Variants in PDXDC1 observed in about 807,000 individuals in gnomAD.
PDXDC1 encodes pyridoxal dependent decarboxylase domain containing 1.
A neutral mutation model predicts 100.1 loss-of-function variants in PDXDC1; 42 were observed. The observed-to-expected ratio is 0.42, with a 90% confidence interval of 0.33 to 0.54. The LOEUF (loss-of-function observed/expected upper bound fraction) is 0.54, where lower values mean the gene tolerates loss of function less well. Ranked by LOEUF, PDXDC1 falls within the 20% of genes least tolerant of loss-of-function variation. PDXDC1 has a pLI of 0.10. For synonymous variants in PDXDC1, 260 were observed against 371.7 expected, an observed-to-expected ratio of 0.70 and a Z score of 3.46; for missense variants, 636 against 979.2, an observed-to-expected ratio of 0.65 and a Z score of 4.68.
chr16:15,052,924 G>GGACTGGTTACCGAGTACCCAGT (rs1237371865), intron 16 of PDXDC1, among the ~76,000 whole-genome samples: 1 of 152,156 alleles, frequency 6.6e-6, no homozygotes, highest in Non-Finnish European at 1.5e-5. Flanking sequence ...AGATGTTGCA[G>GGACTGGTTACCGAGTACCCAGT]GACTGGTTAC....
At chr16:15,001,592 C>A (rs1973164762) in intron 3 of PDXDC1, among the ~76,000 whole-genome samples, 184 bp from the exon 4 acceptor site, 1 of 152,294 alleles carries the variant, frequency 6.6e-6, no homozygotes, top group Admixed American at 6.5e-5. Context: ...TATCGGAATT[C>A]AGTTTATAAT....
In PDXDC1 at chr16:15,093,883, C is replaced by T. The variant is rs540990921; in HGVS notation, c.1400-44996C>T. 1.9e-5 allele frequency: 10 copies of T among 517,044 alleles called. 1 individual carries two copies. The highest frequency in any genetic ancestry group is 1.6e-4 in the South Asian group (6 of 38,660). 32.0% of individuals were successfully genotyped at this position (517,044 alleles called of 1,614,324 possible). On this transcript the variant is annotated intron_variant, in intron 16 of 16. Coordinates refer to the PDXDC1 transcript ENST00000535621. ...AGGGGTCAAGGCGCAGAAGGCAGTA[C>T]CCAGGCCTGGGAAATCACGAAGAGA... is the stretch of plus-strand genomic sequence containing the variant.
downstream of PDXDC1, among the ~76,000 whole-genome samples, chr16:15,040,863 A>C (rs567950516): frequency 3.3e-4 from 51 of 152,270 alleles, no homozygotes; most frequent in African/African-American, 1.2e-3. Flanking sequence ...AAGTCTTAAG[A>C]AGTGAATGTT....
intron 16 of PDXDC1, among the ~76,000 whole-genome samples, chr16:15,085,114 C>G (rs2045866865): frequency 1.3e-5 from 2 of 152,032 alleles, no homozygotes; most frequent in Admixed American, 1.3e-4. Flanking sequence ...AAAACACATG[C>G]TAACCAAAAC....
chr16:14,990,415 C>T (rs1208829823), intron 1 of PDXDC1, among the ~76,000 whole-genome samples: 1 of 152,284 alleles, frequency 6.6e-6, no homozygotes, highest in Non-Finnish European at 1.5e-5. Flanking sequence ...TTTGGCATTG[C>T]CCACAGCTAT....
intron 16 of PDXDC1, chr16:15,062,034 G>T: frequency 1.0e-6 from 1 of 959,916 alleles, no homozygotes; most frequent in Non-Finnish European, 1.5e-6. Flanking sequence ...TCAAAAGAAA[G>T]CCAGTGTAGT....
chr16:15,021,156 C>T (rs1380350367), intron 12 of PDXDC1, among the ~76,000 whole-genome samples: 7 of 152,288 alleles, frequency 4.6e-5, no homozygotes, highest in African/African-American at 7.2e-5. Flanking sequence ...GCAGGTGGAT[C>T]ACTTAAACCT....
chr16:15,131,205 G>A, intron 16 of PDXDC1: 1 of 1,589,012 alleles, frequency 6.3e-7, no homozygotes. Context: ...TGGCAGAGCT[G>A]CGGTGGCCCC....
intron 16 of PDXDC1, among the ~76,000 whole-genome samples, chr16:15,087,720 A>C (rs1302653994): frequency 6.6e-6 from 1 of 152,230 alleles, no homozygotes; most frequent in African/African-American, 2.4e-5. Context: ...TGTAGAAAAC[A>C]AGCTAAGTTA....
intron 16 of PDXDC1, chr16:15,086,059 A>T (rs2151814540): frequency 7.1e-7 from 1 of 1,412,242 alleles, no homozygotes; most frequent in Non-Finnish European, 9.7e-7. Context: ...AGTCTCTCAT[A>T]TATAAGGGGA....
At chr16:15,038,551 T>C (rs1332170319), downstream of PDXDC1, 1 of 1,302,774 alleles carries the variant, frequency 7.7e-7, no homozygotes. Context: ...GATTTAAGAC[T>C]TACCCAGCCT....
chr16:15,125,759 T>A lies in PDXDC1; in HGVS notation c.1400-13120T>A, dbSNP rs757168356. ...ACGGACGAGTCCAGGCAGCTGTCGA[T>A]GTCCAGCACCTGCTGCCCGGCAGGT... On this transcript the variant is annotated intron_variant, in intron 16 of 16. Coordinates refer to the PDXDC1 transcript ENST00000535621. The A allele has an allele frequency of 7.9e-6, 12 of 1,513,450 alleles. No homozygotes were observed. In the African/African-American group the frequency reaches 1.4e-4, roughly 17 times the overall value. 93.8% of individuals were successfully genotyped at this position (1,513,450 alleles called of 1,614,324 possible). A position where few individuals can be genotyped will look rare whatever the true frequency, so the allele number is the denominator to read the frequency against.
intron 19 of PDXDC1, 167 bp from the exon 20 acceptor site, chr16:15,034,119 G>A: frequency 1.6e-6 from 1 of 620,418 alleles, no homozygotes; most frequent in Non-Finnish European, 2.9e-6. Flanking sequence ...GCCTCTATGA[G>A]CATGTTATCT....
chr16:15,059,726 C>T (rs954358403), intron 16 of PDXDC1, among the ~76,000 whole-genome samples: 1 of 152,178 alleles, frequency 6.6e-6, no homozygotes, highest in African/African-American at 2.4e-5. Flanking sequence ...AAGGAGATTT[C>T]ACAGTATTTT....
intron 16 of PDXDC1, among the ~76,000 whole-genome samples, chr16:15,058,436 C>CT (rs1491515223): frequency 5.3e-5 from 8 of 152,120 alleles, no homozygotes; most frequent in Non-Finnish European, 8.8e-5. Context: ...TTAAATTACA[C>CT]TTTTTTGAGG....
intron 16 of PDXDC1, among the ~76,000 whole-genome samples, chr16:15,080,836 C>T (rs375572869): frequency 0.01 from 1,306 of 127,328 alleles, 9 homozygotes; most frequent in Middle Eastern, 0.047. Flanking sequence ...GCCTCTTTGA[C>T]ATTTCATATA....
the PDXDC1 span, among the ~76,000 whole-genome samples, chr16:15,149,527 G>A: frequency 8.2e-3 from 1,242 of 152,308 alleles, 22 homozygotes; most frequent in African/African-American, 0.028. Context: ...CCTAGGGGTC[G>A]CTCCAGAATG....
downstream of PDXDC1, among the ~76,000 whole-genome samples, chr16:15,039,022 G>A (rs2043682324): frequency 6.6e-6 from 1 of 152,120 alleles, no homozygotes; most frequent in Non-Finnish European, 1.5e-5. Context: ...CTCAAACCCA[G>A]GCGCTTCTGA....
chr16:15,042,868 G>T (rs1360502553), downstream of PDXDC1, among the ~76,000 whole-genome samples: 1 of 151,406 alleles, frequency 6.6e-6, no homozygotes, highest in Admixed American at 6.6e-5. Flanking sequence ...GAATAGCTGG[G>T]ATTACAGGCG....
Sources: gnomAD v4.1 joint callset for allele counts (sites outside exome capture counted in the v4.1 genomes callset) on GRCh38, gnomAD v4.1.1 for gene constraint, MANE v1.5 for transcripts, NCBI Gene and HGNC (gene_info 2026-07-23, HGNC 2026-07-21) for gene names.